Variants in DTNA observed in about 807,000 individuals in gnomAD.
DTNA encodes the protein dystrobrevin alpha.
A neutral mutation model predicts 100.7 loss-of-function variants in DTNA; 43 were observed. The ratio of observed to expected loss-of-function variants is 0.43; its 90% CI spans 0.33 to 0.55. The LOEUF is 0.55. DTNA is among the 20% of genes least tolerant of loss of function. The pLI, the probability that DTNA is intolerant of heterozygous loss-of-function variation, is 0.04. For synonymous variants in DTNA, 349 were observed against 347.9 expected, an observed-to-expected ratio of 1.00 and a Z score of -0.04; for missense variants, 798 against 953.9, an observed-to-expected ratio of 0.84 and a Z score of 2.15.
chr18:34,550,305 A>T (rs1160676048), intron 1 of DTNA, among the ~76,000 whole-genome samples: 1 of 152,144 alleles, frequency 6.6e-6, no homozygotes, highest in East Asian at 1.9e-4. Flanking sequence ...ACTAGTGAGC[A>T]GAGTACTCCT....
chr18:34,829,823 G>A (rs1431834217), intron 11 of DTNA, among the ~76,000 whole-genome samples: 1 of 152,172 alleles, frequency 6.6e-6, no homozygotes, highest in Non-Finnish European at 1.5e-5. Flanking sequence ...TAAGACTCTT[G>A]AATTAAGGAG....
At chr18:34,726,554 G>A (rs1168905122) in intron 1 of DTNA, among the ~76,000 whole-genome samples, 1 of 152,232 alleles carries the variant, frequency 6.6e-6, no homozygotes, top group Non-Finnish European at 1.5e-5. Flanking sequence ...GAGGAAAGGA[G>A]TAAGAGGCCC....
intron 1 of DTNA, among the ~76,000 whole-genome samples, chr18:34,505,688 T>C (rs2040419307): frequency 6.6e-6 from 1 of 152,198 alleles, no homozygotes. Context: ...TAGTTTTTCC[T>C]TATGTGTTCT....
chr18:34,858,204 C>A, intron 15 of DTNA, 81 bp from the exon 16 acceptor site: 1 of 1,272,056 alleles, frequency 7.9e-7, no homozygotes, highest in South Asian at 1.2e-5. Flanking sequence ...TCTCTTTGTT[C>A]TGGTGGCCTT....
chr18:34,740,534 C>A (rs2090442231), intron 1 of DTNA, among the ~76,000 whole-genome samples: 1 of 152,162 alleles, frequency 6.6e-6, no homozygotes, highest in Non-Finnish European at 1.5e-5. Context: ...ACATCACAAG[C>A]ATGATTGTTA....
chr18:34,645,189 G>A (rs2059696582), intron 1 of DTNA, among the ~76,000 whole-genome samples: 1 of 152,084 alleles, frequency 6.6e-6, no homozygotes, highest in African/African-American at 2.4e-5. Context: ...TGTCTATTCT[G>A]ATTCTGGAAA....
rs772410560 is a variant in DTNA, at chr18:34,794,135, G to A, written c.247G>A (p.Ala83Thr). The change falls in exon 4 of 23, where the codon GCT becomes ACT. Residue 83 changes from alanine to threonine, a missense_variant. Ala to Thr is a moderately conservative substitution (Grantham distance 58). This residue lies in a region of DTNA where 197 missense variants were observed against 215.4 expected (regional missense o/e 0.91). Coordinates refer to ENST00000444659, the MANE Select transcript of DTNA (RefSeq NM_001386795.1). ...NTELNVSRLE[A>T]VLSTIFYQLN... ...TGAACTCAACGTGTCCCGCTTAGAG[G>A]CTGTGCTCTCCACTATTTTTTACCA... 1 of 1,614,118 alleles carries A rather than the reference G, an allele frequency of 6.2e-7. No individual in the cohort carries two copies. The highest frequency in any genetic ancestry group is 8.5e-7 in the Non-Finnish European group (1 of 1,180,010).
chr18:34,703,097 T>C (rs2081606626), intron 1 of DTNA, among the ~76,000 whole-genome samples: 2 of 152,228 alleles, frequency 1.3e-5, no homozygotes, highest in Admixed American at 6.5e-5. Flanking sequence ...GGTATAACAG[T>C]ATGGTTAGGA....
chr18:34,600,301 A>G (rs1313764768), intron 1 of DTNA, among the ~76,000 whole-genome samples: 1 of 152,202 alleles, frequency 6.6e-6, no homozygotes, highest in Admixed American at 6.5e-5. Context: ...TTTTTGCAAA[A>G]TAAAAATGAT....
chr18:34,575,580 T>C (rs1816697), intron 1 of DTNA, among the ~76,000 whole-genome samples: 15,571 of 152,254 alleles, frequency 0.1, 1,166 homozygotes, highest in African/African-American at 0.2. Flanking sequence ...CACTCAGTCT[T>C]CCTTTACCTT....
chr18:34,880,885 G>T (rs968814807), intron 20 of DTNA, among the ~76,000 whole-genome samples: 1 of 152,190 alleles, frequency 6.6e-6, no homozygotes, highest in Non-Finnish European at 1.5e-5. Context: ...TGGTGAATTA[G>T]TTGTCATCTG....
At chr18:34,797,856 T>TG (rs2095048097) in intron 4 of DTNA, among the ~76,000 whole-genome samples, 1 of 152,202 alleles carries the variant, frequency 6.6e-6, no homozygotes, top group South Asian at 2.1e-4. Context: ...ACTGTTTATA[T>TG]GACTGCCTCC....
intron 1 of DTNA, among the ~76,000 whole-genome samples, chr18:34,735,867 A>T (rs2089464262): frequency 6.6e-6 from 1 of 152,170 alleles, no homozygotes; most frequent in Admixed American, 6.5e-5. Flanking sequence ...TGTACTCTTC[A>T]CATAAGGTGG....
chr18:34,669,263 G>A (rs1335497156), intron 1 of DTNA, among the ~76,000 whole-genome samples: 4 of 151,624 alleles, frequency 2.6e-5, no homozygotes, highest in Admixed American at 2.6e-4. Flanking sequence ...GCCTTTTTTT[G>A]TTTTCCATTT....
chr18:34,824,161 T>G (rs554142233), intron 9 of DTNA, among the ~76,000 whole-genome samples: 2 of 152,266 alleles, frequency 1.3e-5, no homozygotes, highest in African/African-American at 4.8e-5. Context: ...TAAATGCACA[T>G]CTTGCTGTTT....
At chr18:34,815,873 C>A in intron 6 of DTNA, 36 bp from the exon 7 acceptor site, 1 of 1,555,116 alleles carries the variant, frequency 6.4e-7, no homozygotes, top group South Asian at 1.1e-5. Flanking sequence ...TGAGATGATT[C>A]TCTGTCCTAA....
At chr18:34,632,714 A>T (rs1052242754) in intron 1 of DTNA, among the ~76,000 whole-genome samples, 1 of 152,200 alleles carries the variant, frequency 6.6e-6, no homozygotes, top group Admixed American at 6.5e-5. Flanking sequence ...ACAAACTTTT[A>T]TACAGAAATC....
intron 1 of DTNA, among the ~76,000 whole-genome samples, chr18:34,596,930 G>T (rs1479684506): frequency 6.6e-6 from 1 of 152,004 alleles, no homozygotes; most frequent in East Asian, 1.9e-4. Context: ...GGATACATGT[G>T]CCATGGTGGT....
intron 16 of DTNA, among the ~76,000 whole-genome samples, chr18:34,859,884 T>G (rs2096597308): frequency 6.6e-6 from 1 of 152,220 alleles, no homozygotes; most frequent in African/African-American, 2.4e-5. Context: ...CATTTCAGAC[T>G]AGCTTCTTAC....
Sources: allele counts gnomAD v4.1 joint callset (sites outside exome capture counted in the v4.1 genomes callset), GRCh38; gene constraint gnomAD v4.1.1; regional missense constraint gnomAD v4.1.1; transcripts MANE v1.5; gene names NCBI Gene and HGNC (gene_info 2026-07-23, HGNC 2026-07-21).